GTF2B: variants seen among roughly 807,000 people sequenced by gnomAD.
GTF2B encodes the protein general transcription factor IIB, also known as transcription initiation factor IIB.
A neutral mutation model predicts 34.6 loss-of-function variants in GTF2B; 20 were observed. That is an observed-to-expected ratio of 0.58 (90% confidence interval 0.41 to 0.84). GTF2B has a LOEUF of 0.84. Ranked by LOEUF, GTF2B falls within the 40% of genes least tolerant of loss-of-function variation. GTF2B has a pLI of 0.00. For synonymous variants in GTF2B, 142 were observed against 132.4 expected (o/e 1.07, Z -0.50); for missense variants, 237 against 393.3 (o/e 0.60, Z 3.36).
rs1191341545 is a variant in GTF2B, at chr1:88,853,297, A to G, written c.867T>C (p.Tyr289=). The change falls in exon 7 of 7, where the codon TAT becomes TAC. Residue 289 remains tyrosine, a synonymous_variant. Coordinates refer to ENST00000370500, the MANE Select transcript of GTF2B (RefSeq NM_001514.6). Reference sequence around the variant, plus strand: ...CTGGGGCTCGAGGATAGATCAGTCTATAGGACTGTCTGATTGTAACATCAG... The same window carrying G: ...CTGGGGCTCGAGGATAGATCAGTCTGTAGGACTGTCTGATTGTAACATCAG... ...GVADVTIRQS[Y]RLIYPRAPDL... The G allele has an allele frequency of 2.5e-6, 4 of 1,610,316 alleles. No individual in the cohort carries two copies. Among genetic ancestry groups the G allele is most frequent in the East Asian group, 2.2e-5 (1 of 44,848 alleles).
intron 6 of GTF2B, among the ~76,000 whole-genome samples, chr1:88,856,291 C>CAAAAAAAAAAAAAAAAA (rs1162915523): frequency 1.2e-5 from 1 of 86,146 alleles, no homozygotes; most frequent in African/African-American, 4.3e-5. Flanking sequence ...AAAAAAAAAA[C>CAAAAAAAAAAAAAAAAA]AAAAAAAAAA....
At chr1:88,861,762 T>C (rs1673446333) in intron 3 of GTF2B, among the ~76,000 whole-genome samples, 1 of 151,714 alleles carries the variant, frequency 6.6e-6, no homozygotes, top group Admixed American at 6.6e-5. Flanking sequence ...AGCCTGGGAG[T>C]TTGAGGCTGC....
intron 1 of GTF2B, among the ~76,000 whole-genome samples, chr1:88,889,045 G>C (rs1226051582): frequency 6.6e-6 from 1 of 152,162 alleles, no homozygotes; most frequent in Non-Finnish European, 1.5e-5. Flanking sequence ...GTAAAAGCAA[G>C]GTAGTGAATG....
chr1:88,883,551 C>CA (rs113458526), intron 2 of GTF2B, among the ~76,000 whole-genome samples: 2,877 of 143,800 alleles, frequency 0.02, 82 homozygotes, highest in African/African-American at 0.067. Context: ...CTATCTGTAC[C>CA]AAAAAAAAAA....
chr1:88,884,401 A>G (rs1019955599), intron 2 of GTF2B, among the ~76,000 whole-genome samples: 3 of 152,234 alleles, frequency 2.0e-5, no homozygotes, highest in African/African-American at 7.2e-5. Context: ...AAGGAAAAAT[A>G]TACCTGAGCT....
chr1:88,857,935 G>A (rs914910817), intron 5 of GTF2B, among the ~76,000 whole-genome samples: 3 of 151,324 alleles, frequency 2.0e-5, no homozygotes, highest in African/African-American at 7.3e-5. Context: ...TCCTACCTCG[G>A]CCTCCCAAAG....
intron 3 of GTF2B, among the ~76,000 whole-genome samples, chr1:88,862,263 C>G (rs1673455608): frequency 6.6e-6 from 1 of 152,028 alleles, no homozygotes. Flanking sequence ...TCTATCTTGC[C>G]CAGGGATGGT....
chr1:88,879,341 A>C (rs997342477), intron 2 of GTF2B, among the ~76,000 whole-genome samples: 1 of 151,728 alleles, frequency 6.6e-6, no homozygotes, highest in African/African-American at 2.4e-5. Context: ...CACTTTGGGA[A>C]GCCGAGGTGG....
At chr1:88,871,496 T>C (rs1475601477) in intron 2 of GTF2B, among the ~76,000 whole-genome samples, 2 of 152,160 alleles carry the variant, frequency 1.3e-5, no homozygotes, top group African/African-American at 2.4e-5. Flanking sequence ...GACTTAATAA[T>C]GGCTTCTGAC....
In GTF2B at chr1:88,872,300, G is replaced by A. The variant is rs572807965; in HGVS notation, c.125-8186C>T. Among the ~76,000 whole-genome samples, 5 of 151,266 alleles carry A rather than the reference G, an allele frequency of 3.3e-5. No individual in the cohort carries two copies. In the South Asian group the frequency reaches 6.3e-4, roughly 19 times the overall value. On this transcript the variant is annotated intron_variant, in intron 2 of 6. Coordinates refer to ENST00000370500, the MANE Select transcript of GTF2B (RefSeq NM_001514.6). ...GAAACCCGGTCTCTACTAAAAATAC[G>A]AAATTAGATGGGCGTGGTGCTGCAT...
Position 88,863,961 on chromosome 1 carries a change from C to T in GTF2B, c.258+20G>A. On this transcript the variant is annotated intron_variant, in intron 3 of 6. Transcript: ENST00000370500. Reference sequence around the variant, plus strand: ...ATGGTCACTCTGCAATTGGTATTTCCTGCCAAATGGACTTATTACCTTGCC... The same window carrying T: ...ATGGTCACTCTGCAATTGGTATTTCTTGCCAAATGGACTTATTACCTTGCC... 6.2e-7 allele frequency: 1 copy of T among 1,611,562 alleles called. No individual in the cohort carries two copies.
chr1:88,875,837 A>T (rs541321975), intron 2 of GTF2B, among the ~76,000 whole-genome samples: 1 of 152,164 alleles, frequency 6.6e-6, no homozygotes, highest in Admixed American at 6.5e-5. Flanking sequence ...ACCAACCAGC[A>T]CAGTGCTTAA....
chr1:88,866,845 G>T (rs758093945), intron 2 of GTF2B, among the ~76,000 whole-genome samples: 10 of 152,202 alleles, frequency 6.6e-5, no homozygotes, highest in Non-Finnish European at 1.3e-4. Flanking sequence ...AGGAGAACAC[G>T]CAAGGAAGGC....
At chr1:88,875,461 G>A (rs373566550) in intron 2 of GTF2B, among the ~76,000 whole-genome samples, 2 of 152,202 alleles carry the variant, frequency 1.3e-5, no homozygotes, top group Non-Finnish European at 2.9e-5. Context: ...CAAGTAGGTC[G>A]ATAGGAGCAG....
chr1:88,862,619 G>A (rs1024829970), intron 3 of GTF2B, among the ~76,000 whole-genome samples: 2 of 152,070 alleles, frequency 1.3e-5, no homozygotes, highest in East Asian at 1.9e-4. Context: ...TGCCTGAGGC[G>A]GGAGGACTGC....
intron 6 of GTF2B, among the ~76,000 whole-genome samples, chr1:88,856,272 C>CAAAACAA (rs1673303004): frequency 6.0e-5 from 3 of 50,034 alleles, no homozygotes; most frequent in African/African-American, 8.9e-5. Context: ...GTTTCAAAAA[C>CAAAACAA]AAAAAAAAAA....
chr1:88,874,284 T>C (rs943447330), intron 2 of GTF2B, among the ~76,000 whole-genome samples: 1 of 152,014 alleles, frequency 6.6e-6, no homozygotes, highest in Non-Finnish European at 1.5e-5. Context: ...GCTTCTTATT[T>C]CTTATTGCAA....
At position 88,853,287 on chromosome 1, in the gene GTF2B, A is replaced by G. The variant is rs765545366; in HGVS notation, c.877T>C (p.Tyr293His). 1.2e-6 allele frequency: 2 copies of G among 1,610,268 alleles called. No individual in the cohort carries two copies. Among genetic ancestry groups the G allele is most frequent in the Non-Finnish European group, 1.7e-6 (2 of 1,176,494 alleles). ...VTIRQSYRLI[Y>H]PRAPDLFPTD... Reference sequence around the variant, plus strand: ...GGAAACAGATCTGGGGCTCGAGGATAGATCAGTCTATAGGACTGTCTGATT... The same window carrying G: ...GGAAACAGATCTGGGGCTCGAGGATGGATCAGTCTATAGGACTGTCTGATT... The change falls in exon 7 of 7, where the codon TAT (tyrosine) becomes CAT (histidine). Residue 293 changes from tyrosine to histidine, a missense_variant. Transcript: ENST00000370500.
intron 2 of GTF2B, among the ~76,000 whole-genome samples, chr1:88,874,147 A>G (rs916610785): frequency 1.3e-5 from 2 of 152,202 alleles, no homozygotes; most frequent in African/African-American, 2.4e-5. Context: ...GGTATTTCAT[A>G]GCGCAATGTG....
Sources: gnomAD v4.1 joint callset for allele counts (sites outside exome capture counted in the v4.1 genomes callset) on GRCh38, gnomAD v4.1.1 for gene constraint, MANE v1.5 for transcripts, NCBI Gene and HGNC (gene_info 2026-07-23, HGNC 2026-07-21) for gene names.